Variants in PRP4K observed in about 807,000 individuals in gnomAD.
PRP4K encodes the protein serine/threonine-protein kinase PRP4 homolog.
At chr6:4,049,401 A>G in the PRP4K span, 1 of 460,670 alleles carries the variant, frequency 2.2e-6, no homozygotes, top group Non-Finnish European at 3.8e-6. Context: ...ACTCGTCTTG[A>G]TCTGAAACCA....
chr6:4,027,611 G>T, the PRP4K span, among the ~76,000 whole-genome samples: 1 of 88,742 alleles, frequency 1.1e-5, no homozygotes, highest in Non-Finnish European at 2.4e-5. Context: ...GGGGGGGTGG[G>T]GTGGGGGTTG....
At chr6:4,037,840 A>G in the PRP4K span, among the ~76,000 whole-genome samples, 1 of 151,316 alleles carries the variant, frequency 6.6e-6, no homozygotes, top group Non-Finnish European at 1.5e-5. Context: ...TCAATACTAA[A>G]TGAGCCAGAC....
the PRP4K span, among the ~76,000 whole-genome samples, chr6:4,028,312 G>A: frequency 6.6e-6 from 1 of 151,896 alleles, no homozygotes; most frequent in African/African-American, 2.4e-5. Flanking sequence ...CTGGGTTCAA[G>A]TGATCCTACC....
chr6:4,045,007 C>T, the PRP4K span, among the ~76,000 whole-genome samples: 6 of 151,912 alleles, frequency 3.9e-5, no homozygotes, highest in African/African-American at 9.6e-5. Flanking sequence ...GGACTACAGG[C>T]GCCTGCCACC....
the PRP4K span, among the ~76,000 whole-genome samples, chr6:4,023,562 C>G: frequency 4.6e-5 from 7 of 152,064 alleles, no homozygotes; most frequent in African/African-American, 1.7e-4. Context: ...TTTCCACTGT[C>G]CCAGAAAGAT....
At chr6:4,041,007 C>G in the PRP4K span, 4 of 1,369,708 alleles carry the variant, frequency 2.9e-6, no homozygotes, top group Non-Finnish European at 4.0e-6. Context: ...TAAATAATAT[C>G]CACCTAAATA....
At chr6:4,059,640 C>CT in the PRP4K span, among the ~76,000 whole-genome samples, 131,860 of 150,924 alleles carry the variant, frequency 0.87, 57,660 homozygotes, top group Middle Eastern at 0.92. Context: ...TTGGAGTTGA[C>CT]TTTTTTTTTC....
the PRP4K span, chr6:4,040,827 G>A: frequency 1.9e-6 from 3 of 1,613,932 alleles, no homozygotes; most frequent in Non-Finnish European, 2.5e-6. Context: ...ATCACGCGGT[G>A]GTCGTAGACG....
At chr6:4,045,639 A>G in the PRP4K span, among the ~76,000 whole-genome samples, 1 of 152,210 alleles carries the variant, frequency 6.6e-6, no homozygotes, top group African/African-American at 2.4e-5. Context: ...TACAGTGAAA[A>G]ATTTAGTTCT....
the PRP4K span, chr6:4,021,533 G>A: frequency 5.2e-6 from 8 of 1,550,670 alleles, no homozygotes; most frequent in South Asian, 2.4e-5. Flanking sequence ...GCTGCACGGG[G>A]TGGCGGGAAA....
At chr6:4,049,160 C>T in the PRP4K span, 1 of 1,441,700 alleles carries the variant, frequency 6.9e-7, no homozygotes, top group East Asian at 2.3e-5. Flanking sequence ...CATGCAAAAG[C>T]ATGCTGCTTG....
chr6:4,039,237 G>A, the PRP4K span, among the ~76,000 whole-genome samples: 2 of 152,168 alleles, frequency 1.3e-5, no homozygotes, highest in South Asian at 4.1e-4. Flanking sequence ...TTGTGACAGT[G>A]TAGGACTTGT....
At chr6:4,021,371 C>A in the PRP4K span, 1 of 1,553,614 alleles carries the variant, frequency 6.4e-7, no homozygotes, top group South Asian at 1.2e-5. Context: ...ACTTCCCCTA[C>A]CCTCCACCGT....
the PRP4K span, chr6:4,043,791 A>G: frequency 1.2e-6 from 2 of 1,601,902 alleles, no homozygotes; most frequent in African/African-American, 1.3e-5. Flanking sequence ...TGAAAGTATT[A>G]TCTTCTGTAT....
chr6:4,032,477 T>C, the PRP4K span: 59 of 1,613,948 alleles, frequency 3.7e-5, no homozygotes, highest in African/African-American at 2.4e-4. Flanking sequence ...CTGAAACTGA[T>C]AAAGAAAAGA....
At chr6:4,031,768 T>C in the PRP4K span, 8 of 1,607,484 alleles carry the variant, frequency 5.0e-6, no homozygotes, top group Middle Eastern at 3.3e-4. Context: ...AAAGAGATTA[T>C]TGATGCTTCT....
the PRP4K span, among the ~76,000 whole-genome samples, chr6:4,022,018 C>T: frequency 6.6e-6 from 1 of 152,168 alleles, no homozygotes. Context: ...GATACTTGAT[C>T]TCGTCACCTT....
the PRP4K span, chr6:4,037,250 C>A: frequency 1.5e-6 from 1 of 678,890 alleles, no homozygotes; most frequent in South Asian, 3.0e-5. Context: ...ACTGTAGTCA[C>A]CTGAGTAAGT....
the PRP4K span, among the ~76,000 whole-genome samples, chr6:4,033,443 A>T: frequency 6.6e-6 from 1 of 152,194 alleles, no homozygotes; most frequent in South Asian, 2.1e-4. Flanking sequence ...CTCATACCTA[A>T]TTTATAAATG....
Sources: gnomAD v4.1 joint callset for allele counts (sites outside exome capture counted in the v4.1 genomes callset) on GRCh38, gnomAD v4.1.1 for gene constraint, MANE v1.5 for transcripts, NCBI Gene and HGNC (gene_info 2026-07-23, HGNC 2026-07-21) for gene names.